The following MEPE variants were observed in gnomAD, a reference collection of about 807,000 sequenced individuals.
MEPE encodes matrix, extracellular phosphoglycoprotein with ASARM motif (bone).
A neutral mutation model predicts 7.3 loss-of-function variants in MEPE; 7 were observed. The ratio of observed to expected loss-of-function variants is 0.95; its 90% confidence interval spans 0.54 to 1.79. The LOEUF is 1.79. Among genes scored for constraint, MEPE ranks in the 40% most tolerant of loss-of-function variants. The pLI is 0.00. For missense variants in MEPE, 623 were observed against 628.2 expected, an observed-to-expected ratio of 0.99 and a Z score of 0.09; for synonymous variants, 214 against 213.1, an observed-to-expected ratio of 1.00 and a Z score of -0.04.
chr4:87,829,489 AG>A (rs780913572), upstream of MEPE, among the ~76,000 whole-genome samples: 119 of 152,290 alleles, frequency 7.8e-4, no homozygotes, highest in Non-Finnish European at 2.4e-4. Flanking sequence ...TTTGAAACTA[AG>A]AAAAATGCAT....
At position 87,846,368 on chromosome 4, in the gene MEPE, G is replaced by C. The variant is rs1170651332; in HGVS notation, c.1500G>C (p.Arg500Ser). ...GGGGTAGACAACCCCATTCCAACAG[G>C]AGGTTTAGTTCCCGTAGAAGGGATG... ...GSWGRQPHSNRRFSSRRRDDS... is the reference protein window; with the variant it reads ...GSWGRQPHSNSRFSSRRRDDS... The change falls in exon 4 of 4, where the codon AGG (arginine) becomes AGC (serine). Residue 500 changes from arginine (R) to serine (S), a missense_variant. Arg to Ser is a moderately radical substitution (Grantham distance 110, BLOSUM62 -1). Coordinates refer to ENST00000361056, the MANE Select transcript of MEPE (RefSeq NM_020203.6). The C allele has an allele frequency of 6.2e-7, 1 of 1,614,046 alleles. No homozygotes were observed. The highest frequency in any genetic ancestry group is 8.5e-7 in the Non-Finnish European group (1 of 1,179,958).
chr4:87,839,799 C>T, intron 3 of MEPE: 1 of 1,544,126 alleles, frequency 6.5e-7, no homozygotes, highest in Middle Eastern at 1.7e-4. Flanking sequence ...CTCTGAATGA[C>T]CATTCTCAGC....
At chr4:87,841,017 C>G (rs576941679) in intron 3 of MEPE, among the ~76,000 whole-genome samples, 1 of 152,250 alleles carries the variant, frequency 6.6e-6, no homozygotes, top group African/African-American at 2.4e-5. Flanking sequence ...GCAAAGATAG[C>G]CATCATATAC....
intron 1 of MEPE, among the ~76,000 whole-genome samples, chr4:87,826,085 CATT>C (rs2109988468): frequency 6.6e-6 from 1 of 152,198 alleles, no homozygotes; most frequent in African/African-American, 2.4e-5. Flanking sequence ...TCCAGTATAT[CATT>C]GATGGGCATT....
chr4:87,846,499 G>A lies in MEPE; in HGVS notation c.*53G>A, dbSNP rs927449629. 9 of 1,559,926 alleles carry A rather than the reference G, an allele frequency of 5.8e-6. No individual in the cohort carries two copies. The highest frequency in any genetic ancestry group is 7.8e-6 in the Non-Finnish European group (9 of 1,155,660). On this transcript the variant is annotated 3_prime_UTR_variant, in exon 4 of 4. Coordinates refer to ENST00000361056, the MANE Select transcript of MEPE (RefSeq NM_020203.6). Reference sequence around the variant, plus strand: ...AGTCTGAAGACCTCGTCACCTGTGAGTTGATGTAGAGGAGAGCCACCTGAC... The same window carrying A: ...AGTCTGAAGACCTCGTCACCTGTGAATTGATGTAGAGGAGAGCCACCTGAC...
At chr4:87,841,653 T>C (rs1164341604) in intron 3 of MEPE, among the ~76,000 whole-genome samples, 1 of 152,136 alleles carries the variant, frequency 6.6e-6, no homozygotes, top group Non-Finnish European at 1.5e-5. Flanking sequence ...GATACATATA[T>C]AAAAGCAGAC....
At chr4:87,831,529 G>A (rs112185078), upstream of MEPE, among the ~76,000 whole-genome samples, 188 of 152,026 alleles carry the variant, frequency 1.2e-3, no homozygotes, top group African/African-American at 4.4e-3. Context: ...CCCTTCTGCC[G>A]CACTCAGGTT....
chr4:87,844,857 T>C (rs1723149017), intron 3 of MEPE, 120 bp from the exon 4 acceptor site: 1 of 772,800 alleles, frequency 1.3e-6, no homozygotes, highest in Non-Finnish European at 1.9e-6. Flanking sequence ...TAAACCTCTA[T>C]TGAGTTAATA....
In MEPE at chr4:87,845,357, C is replaced by T. The variant is rs764742074; in HGVS notation, c.489C>T (p.Leu163=). The change falls in exon 4 of 4, where the codon CTC becomes CTT. Residue 163 remains leucine (L), a synonymous_variant. Transcript: ENST00000361056. Reference sequence around the variant, plus strand: ...TGGGGCCAGTGACTGCGATTAAACTCCTGGGGGAAGAAAACAAAGAGAACA... The same window carrying T: ...TGGGGCCAGTGACTGCGATTAAACTTCTGGGGGAAGAAAACAAAGAGAACA... The part of the protein sequence containing the change: ...HIMGPVTAIK[L]LGEENKENTP... 4.3e-6 allele frequency: 7 copies of T among 1,613,744 alleles called. No homozygotes were observed. Among genetic ancestry groups the T allele is most frequent in the Non-Finnish European group, 4.2e-6 (5 of 1,179,940 alleles).
chr4:87,846,435 G>A lies in MEPE; in HGVS notation c.1567G>A (p.Asp523Asn), dbSNP rs367826576. The A allele has an allele frequency of 6.6e-5, 106 of 1,612,006 alleles. No individual in the cohort carries two copies. The highest frequency in any genetic ancestry group is 1.7e-4 in the Middle Eastern group (1 of 6,056). ...TGACAGTGGCAGTTCAAGTGAGAGC[G>A]ATGGTGACTAGTCCACCAGGAGTTC... ...SSDSGSSSESDGD is the reference protein window; with the variant it reads ...SSDSGSSSESNGD Residue 523 changes from aspartate to asparagine, a missense_variant, in exon 4 of 4, where the codon GAT becomes AAT. Asp to Asn is a conservative substitution (Grantham distance 23, BLOSUM62 1). Transcript: ENST00000361056.
chr4:87,833,588 TA>T (rs200405410), intron 1 of MEPE, among the ~76,000 whole-genome samples: 1 of 152,290 alleles, frequency 6.6e-6, no homozygotes, highest in African/African-American at 2.4e-5. Flanking sequence ...ATATTTAGAT[TA>T]TTTTTTCCCA....
chr4:87,825,278 G>T (rs564011983), intron 1 of MEPE, among the ~76,000 whole-genome samples: 4 of 152,302 alleles, frequency 2.6e-5, no homozygotes, highest in African/African-American at 9.6e-5. Context: ...CTTGGTTCTA[G>T]CTGTAGGTTA....
At chr4:87,827,756 T>C (rs1472322157) in intron 1 of MEPE, among the ~76,000 whole-genome samples, 1 of 152,144 alleles carries the variant, frequency 6.6e-6, no homozygotes, top group African/African-American at 2.4e-5. Context: ...GCAAATTATA[T>C]TGACATGTCT....
intron 1 of MEPE, among the ~76,000 whole-genome samples, chr4:87,824,708 T>C (rs1364753212): frequency 6.6e-6 from 1 of 151,698 alleles, no homozygotes; most frequent in African/African-American, 2.4e-5. Context: ...TTTTCTCTTT[T>C]CTTTGTGTTT....
At position 87,845,542 on chromosome 4, in the gene MEPE, A is replaced by G. The variant is rs776442106; in HGVS notation, c.674A>G (p.His225Arg). Residue 225 changes from histidine (H) to arginine (R), a missense_variant, in exon 4 of 4, where the codon CAT becomes CGT. Physicochemically the swap from His to Arg is conservative, Grantham distance 29 (BLOSUM62 0). Transcript: ENST00000361056. ...RIQHNIDYLK[H>R]LSKVKKIPSD... ...CAACACAACATTGACTACCTAAAAC[A>G]TCTCTCAAAAGTCAAAAAAATCCCC... The G allele has an allele frequency of 6.2e-7, 1 of 1,611,982 alleles. No individual in the cohort carries two copies. Among genetic ancestry groups the G allele is most frequent in the Non-Finnish European group, 8.5e-7 (1 of 1,179,494 alleles).
In MEPE at chr4:87,845,711, T is replaced by C. The variant is rs759961906; in HGVS notation, c.843T>C (p.Ile281=). ...GTCCTGACCTAGAAGGCAAAGATAT[T>C]CAAACAGGGTTTGCAGGCCCAAGTG... ...ATGPDLEGKD[I]QTGFAGPSEA... The change falls in exon 4 of 4, where the codon ATT becomes ATC. Residue 281 remains isoleucine (I), a synonymous_variant. Coordinates refer to ENST00000361056, the MANE Select transcript of MEPE (RefSeq NM_020203.6). 2 of 1,613,798 alleles carry C rather than the reference T, an allele frequency of 1.2e-6. No individual in the cohort carries two copies. The highest frequency in any genetic ancestry group is 1.7e-6 in the Non-Finnish European group (2 of 1,179,888).
intron 3 of MEPE, among the ~76,000 whole-genome samples, chr4:87,842,606 AG>A (rs1723056520): frequency 6.6e-6 from 1 of 152,152 alleles, no homozygotes; most frequent in Non-Finnish European, 1.5e-5. Flanking sequence ...GTCTGAACAT[AG>A]TCACCTAACA....
At position 87,844,489 on chromosome 4, in the gene MEPE, T is replaced by C. The variant is rs568781201; in HGVS notation, c.109-488T>C. Among the ~76,000 whole-genome samples the C allele has an allele frequency of 8.6e-5, 13 of 151,798 alleles. No homozygotes were observed. In the South Asian group the frequency reaches 2.7e-3, roughly 32 times the overall value. The stretch of plus-strand genomic sequence containing the variant: ...AAGATTCTTCTATTTGCAGATTTTC[T>C]GTTTAAAAAGAAGCAAGAAAGAAAG... On this transcript the variant is annotated intron_variant, in intron 3 of 3. Transcript: ENST00000361056.
chr4:87,832,652 T>C (rs17013206), upstream of MEPE, among the ~76,000 whole-genome samples: 10,351 of 152,234 alleles, frequency 0.068, 1,189 homozygotes, highest in African/African-American at 0.24. Flanking sequence ...CATAAAAGGA[T>C]AGCAAAAATG....
Sources: allele counts gnomAD v4.1 joint callset (sites outside exome capture counted in the v4.1 genomes callset), GRCh38; gene constraint gnomAD v4.1.1; transcripts MANE v1.5; gene names NCBI Gene and HGNC (gene_info 2026-07-23, HGNC 2026-07-21).